Variants in HEMK2 observed in about 807,000 individuals in gnomAD.
HEMK2 encodes methyltransferase HEMK2.
chr21:28,851,941 G>A, the HEMK2 span, among the ~76,000 whole-genome samples: 2 of 152,158 alleles, frequency 1.3e-5, no homozygotes, highest in Non-Finnish European at 2.9e-5. Flanking sequence ...CAGGTACCAG[G>A]AGATGTGTTA....
the HEMK2 span, among the ~76,000 whole-genome samples, chr21:28,674,280 T>C: frequency 1.3e-5 from 2 of 152,142 alleles, no homozygotes; most frequent in African/African-American, 2.4e-5. Context: ...GAAATAACCA[T>C]AAAAAATTGG....
the HEMK2 span, among the ~76,000 whole-genome samples, chr21:28,857,084 C>T: frequency 6.6e-6 from 1 of 152,036 alleles, no homozygotes; most frequent in African/African-American, 2.4e-5. Context: ...TGGAGATTGC[C>T]CAAGATGACC....
the HEMK2 span, among the ~76,000 whole-genome samples, chr21:28,768,954 C>T: frequency 6.6e-6 from 1 of 151,944 alleles, no homozygotes; most frequent in African/African-American, 2.4e-5. Flanking sequence ...TGGCCATCTG[C>T]AAGCCAAGCA....
the HEMK2 span, among the ~76,000 whole-genome samples, chr21:28,787,861 T>C: frequency 6.6e-6 from 1 of 152,150 alleles, no homozygotes; most frequent in Non-Finnish European, 1.5e-5. Flanking sequence ...CCACTGGGTA[T>C]CTACCCAGAG....
chr21:28,664,812 T>C, the HEMK2 span, among the ~76,000 whole-genome samples: 3 of 152,172 alleles, frequency 2.0e-5, no homozygotes. Flanking sequence ...TACTATATGA[T>C]TAATAAATGC....
chr21:28,831,622 GGAAA>G, the HEMK2 span, among the ~76,000 whole-genome samples: 96 of 73,454 alleles, frequency 1.3e-3, 1 homozygote, highest in East Asian at 0.012. Flanking sequence ...AAGGAAAGAA[GGAAA>G]GAAGGAAGGA....
chr21:28,599,169 G>C, the HEMK2 span, among the ~76,000 whole-genome samples: 1 of 152,312 alleles, frequency 6.6e-6, no homozygotes, highest in East Asian at 1.9e-4. Context: ...AGCAAATAGA[G>C]GAAAACAGTG....
At chr21:28,767,801 C>T in the HEMK2 span, among the ~76,000 whole-genome samples, 1 of 151,946 alleles carries the variant, frequency 6.6e-6, no homozygotes, top group South Asian at 2.1e-4. Context: ...AGTCATTCTG[C>T]CCAACTCCTT....
chr21:28,689,520 T>C, the HEMK2 span, among the ~76,000 whole-genome samples: 2 of 152,210 alleles, frequency 1.3e-5, no homozygotes, highest in African/African-American at 4.8e-5. Context: ...TTAGCCTTCA[T>C]ATATTATTTG....
chr21:28,883,045 G>A, the HEMK2 span: 1 of 1,603,958 alleles, frequency 6.2e-7, no homozygotes, highest in Non-Finnish European at 8.5e-7. Context: ...ACCAGACCCT[G>A]ACCCTACTTC....
chr21:28,743,402 C>T, the HEMK2 span: 1 of 152,196 alleles, frequency 6.6e-6, no homozygotes, highest in Non-Finnish European at 1.5e-5. Flanking sequence ...TCTCACAGTT[C>T]TGGAGGCTAG....
chr21:28,684,410 G>C, the HEMK2 span, among the ~76,000 whole-genome samples: 1 of 152,170 alleles, frequency 6.6e-6, no homozygotes, highest in Non-Finnish European at 1.5e-5. Flanking sequence ...AACTTCATTA[G>C]TAATACCTTG....
the HEMK2 span, among the ~76,000 whole-genome samples, chr21:28,745,803 T>C: frequency 6.6e-6 from 1 of 152,194 alleles, no homozygotes. Flanking sequence ...TGGAATAACT[T>C]TTCTCACCCC....
the HEMK2 span, among the ~76,000 whole-genome samples, chr21:28,723,515 G>C: frequency 6.6e-6 from 1 of 152,170 alleles, no homozygotes; most frequent in Non-Finnish European, 1.5e-5. Flanking sequence ...ATATCACAGA[G>C]TTTCCAAGGG....
the HEMK2 span, among the ~76,000 whole-genome samples, chr21:28,861,751 G>A: frequency 6.6e-6 from 1 of 152,316 alleles, no homozygotes; most frequent in African/African-American, 2.4e-5. Flanking sequence ...AGAAGGCCAT[G>A]TATGCTGTGA....
At chr21:28,661,529 C>T in the HEMK2 span, among the ~76,000 whole-genome samples, 2 of 152,102 alleles carry the variant, frequency 1.3e-5, no homozygotes, top group African/African-American at 4.8e-5. Context: ...TCTGTCTTAA[C>T]ATCAGCAATG....
chr21:28,614,972 C>T, the HEMK2 span, among the ~76,000 whole-genome samples: 3 of 152,206 alleles, frequency 2.0e-5, no homozygotes, highest in South Asian at 2.1e-4. Context: ...AATCTCTGAA[C>T]GTTTCTCTGG....
chr21:28,601,609 T>A, the HEMK2 span, among the ~76,000 whole-genome samples: 1 of 88,230 alleles, frequency 1.1e-5, no homozygotes, highest in East Asian at 2.1e-4. Flanking sequence ...CTGACATCTC[T>A]CTCTCTCTCT....
At chr21:28,684,623 T>C in the HEMK2 span, among the ~76,000 whole-genome samples, 1 of 152,200 alleles carries the variant, frequency 6.6e-6, no homozygotes, top group Non-Finnish European at 1.5e-5. Flanking sequence ...TCATTTGGGA[T>C]TTCATCATTT....
Sources: allele counts gnomAD v4.1 joint callset (sites outside exome capture counted in the v4.1 genomes callset), GRCh38; gene constraint gnomAD v4.1.1; transcripts MANE v1.5; gene names NCBI Gene and HGNC (gene_info 2026-07-23, HGNC 2026-07-21).